The following TSPAN9 variants were observed in gnomAD, a reference collection of about 807,000 sequenced individuals.
TSPAN9 encodes tetraspanin 9, also known as tetraspanin-9.
In TSPAN9, 16 loss-of-function variants were observed where a neutral mutation model predicts 31.0. That is an observed-to-expected ratio of 0.52 (90% CI 0.35 to 0.78). The LOEUF is 0.78. Ranked by LOEUF, TSPAN9 falls within the 30% of genes least tolerant of loss-of-function variation. The pLI, the probability that TSPAN9 is intolerant of heterozygous loss-of-function variation, is 0.01. For synonymous variants in TSPAN9, 145 were observed against 121.6 expected (o/e 1.19, Z -1.27); for missense variants, 272 against 312.5 (o/e 0.87, Z 0.98).
intron 3 of TSPAN9, among the ~76,000 whole-genome samples, chr12:3,226,428 G>C: frequency 6.6e-6 from 1 of 151,792 alleles, no homozygotes. Flanking sequence ...TGAATCCTCT[G>C]GCCGTGAGCA....
At chr12:3,227,704 G>T (rs374250000) in intron 3 of TSPAN9, among the ~76,000 whole-genome samples, 1 of 152,184 alleles carries the variant, frequency 6.6e-6, no homozygotes, top group African/African-American at 2.4e-5. Flanking sequence ...GGCTCTTCCA[G>T]TCGGGCCACG....
intron 2 of TSPAN9, among the ~76,000 whole-genome samples, chr12:3,162,876 T>C (rs2098346175): frequency 1.3e-5 from 2 of 152,274 alleles, no homozygotes; most frequent in Non-Finnish European, 2.9e-5. Flanking sequence ...GAGGCAGCCC[T>C]GGAGGCCCCA....
chr12:3,236,584 A>T (rs1373037369), intron 3 of TSPAN9, among the ~76,000 whole-genome samples: 1 of 152,148 alleles, frequency 6.6e-6, no homozygotes, highest in Non-Finnish European at 1.5e-5. Flanking sequence ...TGTTGGCCGG[A>T]TCTGAGTCTC....
At chr12:3,132,415 C>T (rs2098330216) in intron 2 of TSPAN9, among the ~76,000 whole-genome samples, 1 of 152,140 alleles carries the variant, frequency 6.6e-6, no homozygotes, top group African/African-American at 2.4e-5. Flanking sequence ...AATTTCTCCA[C>T]ATCCTTGCCA....
At position 3,170,779 on chromosome 12, in the gene TSPAN9, G is replaced by A. The variant is rs943631138; in HGVS notation, c.-17-30398G>A. ...GACCTGCACAGCTGTGGCACCTGTG[G>A]GGCTGCTGGCTGAGGCTTCGAGGTC... On this transcript the variant is annotated intron_variant, in intron 2 of 8. Transcript: ENST00000011898. This position sits in a 1 kb window ranked among gnomAD's most constrained non-coding sequence, Gnocchi z 4.4. 1.3e-5 allele frequency among the ~76,000 whole-genome samples: 2 copies of A among 152,134 alleles called. No homozygotes were observed. Among genetic ancestry groups the A allele is most frequent in the Admixed American group, 6.5e-5 (1 of 15,274 alleles).
At chr12:3,230,472 T>C (rs1373792242) in intron 3 of TSPAN9, among the ~76,000 whole-genome samples, 1 of 152,086 alleles carries the variant, frequency 6.6e-6, no homozygotes, top group African/African-American at 2.4e-5. Context: ...GTGTTTTCTA[T>C]TGTAGGGTGG....
intron 2 of TSPAN9, among the ~76,000 whole-genome samples, chr12:3,166,617 C>T (rs976204811): frequency 7.9e-5 from 12 of 152,152 alleles, no homozygotes; most frequent in African/African-American, 2.9e-4. Context: ...TGCAATGCAG[C>T]ATTTGATGAA....
chr12:3,245,852 G>C (rs955101465), intron 3 of TSPAN9, among the ~76,000 whole-genome samples: 1 of 151,858 alleles, frequency 6.6e-6, no homozygotes, highest in African/African-American at 2.4e-5. Context: ...GGCGGATTTG[G>C]GCATTCTCCT....
chr12:3,256,086 CCA>C (rs148403254), intron 3 of TSPAN9, among the ~76,000 whole-genome samples: 6,412 of 152,240 alleles, frequency 0.042, 466 homozygotes, highest in African/African-American at 0.15. Flanking sequence ...CATAAATACC[CCA>C]CTCCCACCCC....
intron 3 of TSPAN9, among the ~76,000 whole-genome samples, chr12:3,211,047 C>T (rs1228740592): frequency 2.0e-5 from 3 of 152,164 alleles, no homozygotes; most frequent in Non-Finnish European, 4.4e-5. Context: ...CGCCCTGCTT[C>T]AGCTTTACAG....
intron 2 of TSPAN9, among the ~76,000 whole-genome samples, chr12:3,153,285 C>T (rs1242760404): frequency 6.6e-6 from 1 of 152,052 alleles, no homozygotes; most frequent in East Asian, 1.9e-4. Context: ...TAAGTAATGC[C>T]GTATAATAGG....
intron 2 of TSPAN9, among the ~76,000 whole-genome samples, chr12:3,153,883 T>A (rs1591650799): frequency 6.6e-6 from 1 of 152,010 alleles, no homozygotes; most frequent in East Asian, 1.9e-4. Context: ...TGTGGATGTA[T>A]CTCTGTCTGT....
chr12:3,125,445 T>A (rs1336340895), intron 2 of TSPAN9, among the ~76,000 whole-genome samples: 2 of 152,178 alleles, frequency 1.3e-5, no homozygotes, highest in African/African-American at 4.8e-5. Flanking sequence ...TAACACATTC[T>A]TCCCCCCGCA....
At chr12:3,215,798 C>T (rs765586618) in intron 3 of TSPAN9, among the ~76,000 whole-genome samples, 3 of 152,098 alleles carry the variant, frequency 2.0e-5, no homozygotes, top group Middle Eastern at 3.2e-3. Flanking sequence ...CAGCCTGTAT[C>T]GGAGTGGAGA....
chr12:3,137,880 C>T (rs1230903065), intron 2 of TSPAN9, among the ~76,000 whole-genome samples: 2 of 152,300 alleles, frequency 1.3e-5, no homozygotes, highest in South Asian at 2.1e-4. Flanking sequence ...TTCCTTCCCT[C>T]GTCCTATCCC....
intron 2 of TSPAN9, among the ~76,000 whole-genome samples, chr12:3,093,797 C>G (rs2153963520): frequency 6.6e-6 from 1 of 152,302 alleles, no homozygotes; most frequent in South Asian, 2.1e-4. Flanking sequence ...GATGTTTGTT[C>G]TTTTGGAGGC....
At chr12:3,163,827 G>T (rs11062545) in intron 2 of TSPAN9, among the ~76,000 whole-genome samples, 2 of 152,320 alleles carry the variant, frequency 1.3e-5, no homozygotes, top group East Asian at 3.9e-4. Flanking sequence ...CCCTTGCTCT[G>T]CCCTGGAGGA....
intron 2 of TSPAN9, among the ~76,000 whole-genome samples, chr12:3,121,352 CTTTTTTTTT>C (rs59198394): frequency 7.4e-5 from 8 of 108,288 alleles, no homozygotes; most frequent in South Asian, 2.9e-4. Flanking sequence ...GGGATGTTGG[CTTTTTTTTT>C]TTTTTTTTTT....
At chr12:3,237,529 G>A (rs2098394437) in intron 3 of TSPAN9, among the ~76,000 whole-genome samples, 1 of 152,216 alleles carries the variant, frequency 6.6e-6, no homozygotes, top group Non-Finnish European at 1.5e-5. Context: ...CACTCCAGTG[G>A]ACAGCCAGAG....
Sources: allele counts gnomAD v4.1 joint callset (sites outside exome capture counted in the v4.1 genomes callset), GRCh38; gene constraint gnomAD v4.1.1; non-coding constraint Gnocchi (gnomAD v3.1); transcripts MANE v1.5; gene names NCBI Gene and HGNC (gene_info 2026-07-23, HGNC 2026-07-21).